Variants in DNAH10 observed in about 807,000 individuals in gnomAD.
DNAH10 encodes the protein axonemal beta dynein heavy chain 10.
DNAH10 carries 348 observed loss-of-function variants against 506.6 expected under a neutral mutation model. That is an observed-to-expected ratio of 0.69 (90% confidence interval 0.63 to 0.75). The LOEUF (loss-of-function observed/expected upper bound fraction) is 0.75, where lower values mean the gene tolerates loss of function less well. Ranked by LOEUF, DNAH10 falls within the 30% of genes least tolerant of loss-of-function variation. The pLI is 0.00. For synonymous variants in DNAH10, 2,059 were observed against 2,198.6 expected (o/e 0.94, Z 1.78); for missense variants, 5,179 against 5,787.1 (o/e 0.89, Z 3.41).
chr12:123,929,687 G>T lies in DNAH10; in HGVS notation c.12540G>T (p.Thr4180=), dbSNP rs1280000868. 1 of 1,613,450 alleles carries T rather than the reference G, an allele frequency of 6.2e-7. No homozygotes were observed. The highest frequency in any genetic ancestry group is 1.1e-5 in the South Asian group (1 of 90,912). ...AGGTCTGCATGGAAATTCTGAACAC[G>T]TACTTAACGAAAGCCTTCCAGCAAC... ...DFQVCMEILN[T]YLTKAFQQRD... is the part of the protein sequence containing the mutation. The change falls in exon 72 of 79, where the codon ACG becomes ACT. Residue 4180 remains threonine, a synonymous_variant. Transcript: ENST00000673944.
rs1955158134 is a variant in DNAH10, at chr12:123,930,565, A to G, written c.12776A>G (p.Lys4259Arg). 6.2e-7 allele frequency: 1 copy of G among 1,605,348 alleles called. No homozygotes were observed. Among genetic ancestry groups the G allele is most frequent in the East Asian group, 2.2e-5 (1 of 44,718 alleles). The part of the protein sequence containing the change: ...YKIPVGDEKE[K>R]FVEAIEALPL... Reference sequence around the variant, plus strand: ...ATCCCTGTTGGTGATGAAAAGGAGAAATTTGTTGGTGAGATTTCTCAGACA... The same window carrying G: ...ATCCCTGTTGGTGATGAAAAGGAGAGATTTGTTGGTGAGATTTCTCAGACA... The change falls in exon 73 of 79, where the codon AAA (lysine) becomes AGA (arginine). Residue 4259 changes from lysine to arginine, a missense_variant. By Grantham distance (26) the Lys-to-Arg change is conservative. This residue lies in a region of DNAH10 where 4,844 missense variants were observed against 5,430.5 expected (regional missense o/e 0.89). Transcript: ENST00000673944.
rs767077593 is a variant in DNAH10, at chr12:123,898,778, G to A, written c.9604G>A (p.Ala3202Thr). 10 of 1,612,386 alleles carry A rather than the reference G, an allele frequency of 6.2e-6. No individual in the cohort carries two copies. In the East Asian group the frequency reaches 2.0e-4, roughly 32 times the overall value. The change falls in exon 56 of 79, where the codon GCC (alanine) becomes ACC (threonine). Residue 3202 changes from alanine (A) to threonine (T), a missense_variant. Ala to Thr is a moderately conservative substitution (Grantham distance 58, BLOSUM62 0). Coordinates refer to ENST00000673944, the MANE Select transcript of DNAH10 (RefSeq NM_001372106.1). Reference sequence around the variant, plus strand: ...GGCGGAGAAGTCCGCCGCCTGCGAGGCCTTGCTGGAGGAGATCGCCGTCAA... The same window carrying A: ...GGCGGAGAAGTCCGCCGCCTGCGAGACCTTGCTGGAGGAGATCGCCGTCAA... Reference protein sequence around the residue: ...VLAEKSAACEALLEEIAVNTA... With the variant: ...VLAEKSAACETLLEEIAVNTA...
Position 123,887,306 on chromosome 12 carries a change from G to A in DNAH10, c.8988G>A (p.Leu2996=). Residue 2996 remains leucine, a synonymous_variant, in exon 52 of 79, where the codon CTG becomes CTA. Transcript: ENST00000673944. ...TCCTGGAGCTCATCAACAACATGCT[G>A]ACCTCAGGTACAGCCAAGGCTGGCG... The part of the protein sequence containing the change: ...EGFLELINNM[L]TSGIVPALFS... The A allele has an allele frequency of 6.2e-7, 1 of 1,613,354 alleles. No individual in the cohort carries two copies. Among genetic ancestry groups the A allele is most frequent in the Non-Finnish European group, 8.5e-7 (1 of 1,179,692 alleles).
At chr12:123,877,714 G>GA in intron 47 of DNAH10, 22 bp from the exon 48 acceptor site, 4 of 1,604,024 alleles carry the variant, frequency 2.5e-6, no homozygotes, top group Non-Finnish European at 3.4e-6. Flanking sequence ...TGTGTTGGGG[G>GA]GGGTGTCTTT....
rs371620714 is a variant in DNAH10, at chr12:123,909,212, C to T, written c.9816-49C>T. The T allele has an allele frequency of 8.0e-5, 128 of 1,590,320 alleles. No homozygotes were observed. Among genetic ancestry groups the T allele is most frequent in the Middle Eastern group, 7.9e-4 (4 of 5,050 alleles). On this transcript the variant is annotated intron_variant, in intron 57 of 78. Coordinates refer to ENST00000673944, the MANE Select transcript of DNAH10 (RefSeq NM_001372106.1). The surrounding 1 kb of genome is among the most constrained non-coding windows in gnomAD (Gnocchi z 5.4). ...TCTGGAGCTCTCTTTCAGGCCAGAT[C>T]CTGGCCACATCCCGGGGTTGTGACC...
At position 123,871,093 on chromosome 12, in the gene DNAH10, G is replaced by A. The variant is rs921029704; in HGVS notation, c.7640-364G>A. Among the ~76,000 whole-genome samples the A allele has an allele frequency of 4.6e-5, 7 of 152,302 alleles. No individual in the cohort carries two copies. In the South Asian group the frequency reaches 1.0e-3, roughly 23 times the overall value. ...GCCAGTGCAAGAGGGAGCCAGACCC[G>A]ATGCTGTGGCTTCACTGTCTCTTCG... On this transcript the variant is annotated intron_variant, in intron 44 of 78. Transcript: ENST00000673944.
chr12:123,856,767 AAAT>A (rs1223710420), intron 36 of DNAH10, among the ~76,000 whole-genome samples: 1 of 147,634 alleles, frequency 6.8e-6, no homozygotes, highest in Non-Finnish European at 1.5e-5. Context: ...ATAAAATAAA[AAAT>A]AAAATTATAT....
intron 5 of DNAH10, among the ~76,000 whole-genome samples, chr12:123,778,921 G>A (rs1347968665): frequency 2.0e-5 from 3 of 148,116 alleles, no homozygotes; most frequent in Non-Finnish European, 3.0e-5. Flanking sequence ...TTTTTTTGAG[G>A]CGGAGTCTCA....
intron 37 of DNAH10, 139 bp downstream of exon 37, chr12:123,857,386 C>A: frequency 1.3e-6 from 1 of 789,732 alleles, no homozygotes; most frequent in Non-Finnish European, 1.8e-6. Flanking sequence ...ATTTTTAAAT[C>A]ACAGTAAAAT....
In DNAH10 at chr12:123,918,930, C is replaced by T. The variant is rs746706615; in HGVS notation, c.11487C>T (p.Ile3829=). 6.2e-7 allele frequency: 1 copy of T among 1,612,842 alleles called. No individual in the cohort carries two copies. The highest frequency in any genetic ancestry group is 8.5e-7 in the Non-Finnish European group (1 of 1,179,332). Residue 3829 remains isoleucine (I), a synonymous_variant, in exon 65 of 79, where the codon ATC becomes ATT. Coordinates refer to ENST00000673944, the MANE Select transcript of DNAH10 (RefSeq NM_001372106.1). The part of the protein sequence containing the change: ...RNIMDTLTFS[I]YNHGCTGLFE... ...TCATGGACACGCTGACCTTCAGCAT[C>T]TATAACCACGGCTGCACAGGTGAGC...
Position 123,933,430 on chromosome 12 carries a change from TG to T in DNAH10, c.13398del (p.Trp4466CysfsTer12), listed in dbSNP as rs1376154654. 1.7e-5 allele frequency: 27 copies of T among 1,612,864 alleles called. No individual in the cohort carries two copies. Among genetic ancestry groups the T allele is most frequent in the Non-Finnish European group, 2.3e-5 (27 of 1,179,792 alleles). On this transcript the variant is annotated frameshift_variant, in exon 77 of 79. Transcript: ENST00000673944. LOFTEE classifies it high-confidence loss of function. ...GCAGGCCACCTGCCGGAAGAACGGC[TG>T]GCCACTGGACCGCTCCACCTTGTTC... The part of the protein sequence containing the change: ...LVQATCRKNG[W>X]PLDRSTLFTQ...
At position 123,785,687 on chromosome 12, in the gene DNAH10, G is replaced by A. The variant is rs1253242973; in HGVS notation, c.1231-59G>A. On this transcript the variant is annotated intron_variant, in intron 8 of 78. Coordinates refer to ENST00000673944, the MANE Select transcript of DNAH10 (RefSeq NM_001372106.1). The surrounding 1 kb of genome is among the most constrained non-coding windows in gnomAD (Gnocchi z 4.1). ...ACTTCTTGCATGCTTACTGTTTTAT[G>A]AAACTATTTGGACCCCAAGGCTAAG... The A allele has an allele frequency of 1.5e-5, 17 of 1,163,700 alleles. No homozygotes were observed. The highest frequency in any genetic ancestry group is 2.0e-5 in the Non-Finnish European group (17 of 845,042). 72.1% of individuals were successfully genotyped at this position (1,163,700 alleles called of 1,614,324 possible). A position where few individuals can be genotyped will look rare whatever the true frequency, so the allele number is the denominator to read the frequency against.
chr12:123,784,182 G>A lies in DNAH10; in HGVS notation c.1230+5G>A, dbSNP rs1957767757. 3.7e-6 allele frequency: 6 copies of A among 1,611,062 alleles called. No homozygotes were observed. The African/African-American group carries it at 6.7e-5, about 18-fold the overall frequency. On this transcript the variant is annotated splice_donor_5th_base_variant and intron_variant, in intron 8 of 78. Coordinates refer to ENST00000673944, the MANE Select transcript of DNAH10 (RefSeq NM_001372106.1). Reference sequence around the variant, plus strand: ...ACCGTGGAGCGTTATTTCAAGGTATGCTGGGTGTGCTGCACTTTGCAGTCA... The same window carrying A: ...ACCGTGGAGCGTTATTTCAAGGTATACTGGGTGTGCTGCACTTTGCAGTCA...
rs1958611950 is a variant in DNAH10, at chr12:123,805,018, G to C, written c.2965G>C (p.Val989Leu). ...YKYWEKKIYEVLTKLILKNLQ... is the reference protein window; with the variant it reads ...YKYWEKKIYELLTKLILKNLQ... Reference sequence around the variant, plus strand: ...ATACTGGGAAAAGAAAATTTATGAGGTCCTGACAAAGCTCATCCTGAAGTA... The same window carrying C: ...ATACTGGGAAAAGAAAATTTATGAGCTCCTGACAAAGCTCATCCTGAAGTA... The change falls in exon 18 of 79, where the codon GTC (valine) becomes CTC (leucine). Residue 989 changes from valine (V) to leucine (L), a missense_variant. Val to Leu is a conservative substitution (Grantham distance 32). Around this residue, in one of 3 missense-constraint regions of DNAH10, gnomAD observed 4,844 missense variants for 5,430.5 expected, o/e 0.89. Transcript: ENST00000673944. 1 of 1,614,118 alleles carries C rather than the reference G, an allele frequency of 6.2e-7. No homozygotes were observed. The highest frequency in any genetic ancestry group is 2.2e-5 in the East Asian group (1 of 44,886).
chr12:123,829,030 G>A (rs1358064725), intron 25 of DNAH10, among the ~76,000 whole-genome samples: 1 of 152,208 alleles, frequency 6.6e-6, no homozygotes, highest in Non-Finnish European at 1.5e-5. Context: ...CTGCCCACAT[G>A]CAGTCCATCA....
chr12:123,764,566 G>A (rs1159354463), intron 1 of DNAH10, among the ~76,000 whole-genome samples: 6 of 152,202 alleles, frequency 3.9e-5, no homozygotes, highest in Admixed American at 2.6e-4. Context: ...AAGGGCCTCT[G>A]TTAACGGTGG....
rs1333602446 is a variant in DNAH10, at chr12:123,931,441, G to A, written c.12885G>A (p.Trp4295Ter). The A allele has an allele frequency of 6.2e-7, 1 of 1,613,908 alleles. No individual in the cohort carries two copies. The highest frequency in any genetic ancestry group is 1.1e-5 in the South Asian group (1 of 91,068). Residue 4295 changes from tryptophan to a stop codon, truncating the protein, a stop_gained, in exon 74 of 79, where the codon TGG becomes TGA. Coordinates refer to ENST00000673944, the MANE Select transcript of DNAH10 (RefSeq NM_001372106.1). LOFTEE classifies it high-confidence loss of function. ...ACACGCAGGCGGCTCGAGACATGTG[G>A]GCTCACCTGCTGGAGCTGCAGCCTC... is the stretch of plus-strand genomic sequence containing the variant. Reference protein sequence around the residue: ...GYYTQAARDMWAHLLELQPQT... With the variant: ...GYYTQAARDM
intron 72 of DNAH10, chr12:123,929,967 A>G (rs1955132048): frequency 1.6e-6 from 1 of 606,562 alleles, no homozygotes; most frequent in African/African-American, 1.9e-5. Context: ...AGCTGGATCC[A>G]TGGCTGGGGA....
chr12:123,799,105 C>CAAAAA, intron 13 of DNAH10, 141 bp from the exon 14 acceptor site: 2 of 283,698 alleles, frequency 7.0e-6, no homozygotes, highest in Non-Finnish European at 4.4e-6. Flanking sequence ...ACTCCGTCTC[C>CAAAAA]AAAAAAAAAA....
Sources: gnomAD v4.1 joint callset for allele counts (sites outside exome capture counted in the v4.1 genomes callset) on GRCh38, gnomAD v4.1.1 for gene constraint, gnomAD v4.1.1 regional missense constraint, Gnocchi (gnomAD v3.1) non-coding constraint, MANE v1.5 for transcripts, NCBI Gene and HGNC (gene_info 2026-07-23, HGNC 2026-07-21) for gene names.